Variants in SRPK2 observed in about 807,000 individuals in gnomAD.
SRPK2 encodes SFRS protein kinase 2.
In SRPK2, 21 loss-of-function variants were observed where a neutral mutation model predicts 90.8. That is an observed-to-expected ratio of 0.23 (90% CI 0.16 to 0.33). The LOEUF (loss-of-function observed/expected upper bound fraction) is 0.33, where lower values mean the gene tolerates loss of function less well. SRPK2 is among the 10% of genes least tolerant of loss of function. The pLI is 1.00. For synonymous variants in SRPK2, 288 were observed against 311.1 expected (o/e 0.93, Z 0.78); for missense variants, 620 against 869.0 (o/e 0.71, Z 3.60).
chr7:105,332,381 T>C (rs1244392697), intron 2 of SRPK2, among the ~76,000 whole-genome samples: 1 of 152,006 alleles, frequency 6.6e-6, no homozygotes, highest in Non-Finnish European at 1.5e-5. Flanking sequence ...ACCTTCTATT[T>C]CCAAAAAAAA....
intron 3 of SRPK2, among the ~76,000 whole-genome samples, chr7:105,175,561 C>T (rs1247098331): frequency 6.6e-6 from 1 of 151,838 alleles, no homozygotes; most frequent in Non-Finnish European, 1.5e-5. Context: ...TAAGAACAGT[C>T]GAGAAAATCA....
At chr7:105,147,976 T>C (rs954401887) in intron 7 of SRPK2, among the ~76,000 whole-genome samples, 1 of 152,236 alleles carries the variant, frequency 6.6e-6, no homozygotes, top group African/African-American at 2.4e-5. Context: ...CACTCGTGTA[T>C]ACATTTTTGT....
intron 3 of SRPK2, among the ~76,000 whole-genome samples, chr7:105,172,139 C>G (rs1791238954): frequency 6.6e-6 from 1 of 152,142 alleles, no homozygotes; most frequent in African/African-American, 2.4e-5. Flanking sequence ...GGTGATCCAC[C>G]CACCTTGGCC....
intron 2 of SRPK2, among the ~76,000 whole-genome samples, chr7:105,307,400 T>C (rs1027295457): frequency 1.3e-5 from 2 of 152,232 alleles, no homozygotes; most frequent in African/African-American, 2.4e-5. Context: ...AGTAAGTGTT[T>C]TGCTCTAGAA....
chr7:105,387,771 G>A (rs888540256), intron 2 of SRPK2, among the ~76,000 whole-genome samples: 1 of 152,174 alleles, frequency 6.6e-6, no homozygotes, highest in Admixed American at 6.5e-5. Flanking sequence ...TCGAACGCTG[G>A]TAAATCAAAA....
rs182251864 is a variant in SRPK2 at position 105,121,599 on chromosome 7, A to G, written c.1916-3577T>C. Reference sequence around the variant, plus strand: ...CAAGCAAACATGAGCCTGGCAGCCAATTGTGTGGTCCCCAAGAGCCCCTTA... The same window carrying G: ...CAAGCAAACATGAGCCTGGCAGCCAGTTGTGTGGTCCCCAAGAGCCCCTTA... On this transcript the variant is annotated intron_variant, in intron 15 of 15. Coordinates refer to ENST00000393651, the MANE Select transcript of SRPK2 (RefSeq NM_182692.3). Among the ~76,000 whole-genome samples the G allele has an allele frequency of 2.0e-5, 3 of 152,310 alleles. No homozygotes were observed. The East Asian group carries it at 5.8e-4, about 29-fold the overall frequency.
At chr7:105,147,883 T>TACAA (rs1181771360) in intron 7 of SRPK2, among the ~76,000 whole-genome samples, 1 of 152,236 alleles carries the variant, frequency 6.6e-6, no homozygotes, top group Non-Finnish European at 1.5e-5. Context: ...TGTATGGAGA[T>TACAA]ACAACATTGT....
intron 2 of SRPK2, among the ~76,000 whole-genome samples, chr7:105,328,590 C>A (rs1377275972): frequency 7.8e-6 from 1 of 128,188 alleles, no homozygotes; most frequent in Non-Finnish European, 1.7e-5. Context: ...AAAGGCCAGG[C>A]GCAGTGGCTC....
At chr7:105,134,993 A>G (rs746971164) in intron 11 of SRPK2, among the ~76,000 whole-genome samples, 74 of 152,142 alleles carry the variant, frequency 4.9e-4, no homozygotes, top group Admixed American at 2.6e-3. Flanking sequence ...CAGCACAAAG[A>G]CCAAAAAAGA....
intron 2 of SRPK2, among the ~76,000 whole-genome samples, chr7:105,370,743 G>GT (rs948336060): frequency 6.7e-6 from 1 of 150,160 alleles, no homozygotes; most frequent in Non-Finnish European, 1.5e-5. Context: ...ACCCTCCCAA[G>GT]TAGCTGGGAC....
intron 7 of SRPK2, 56 bp from the exon 8 acceptor site, chr7:105,146,714 TTTTA>T (rs1393079631): frequency 8.5e-6 from 13 of 1,529,136 alleles, no homozygotes; most frequent in Non-Finnish European, 1.1e-5. Context: ...ATTATATAAC[TTTTA>T]TTTATTTGAA....
intron 1 of SRPK2, among the ~76,000 whole-genome samples, chr7:105,395,178 C>G (rs957787094): frequency 3.3e-5 from 5 of 151,512 alleles, no homozygotes; most frequent in Admixed American, 6.6e-5. Context: ...ATCTCAAAAA[C>G]AAAACAAAAC....
At chr7:105,384,376 T>C (rs1030725883) in intron 2 of SRPK2, among the ~76,000 whole-genome samples, 1 of 152,206 alleles carries the variant, frequency 6.6e-6, no homozygotes, top group African/African-American at 2.4e-5. Context: ...CTTAATCTTA[T>C]TCCTGACAAC....
chr7:105,333,175 C>CA (rs1483333338), intron 2 of SRPK2, among the ~76,000 whole-genome samples: 4 of 152,152 alleles, frequency 2.6e-5, no homozygotes, highest in African/African-American at 9.7e-5. Flanking sequence ...GCCTGAGCGA[C>CA]AGAGTGAGAC....
intron 2 of SRPK2, among the ~76,000 whole-genome samples, chr7:105,276,109 T>G (rs1178626246): frequency 2.6e-5 from 4 of 151,398 alleles, no homozygotes; most frequent in Non-Finnish European, 5.9e-5. Context: ...AGGGACAGAG[T>G]CTTGCTCTGT....
At chr7:105,248,018 T>A (rs1801948575) in intron 2 of SRPK2, among the ~76,000 whole-genome samples, 1 of 152,016 alleles carries the variant, frequency 6.6e-6, no homozygotes, top group African/African-American at 2.4e-5. Flanking sequence ...CCACACCCGA[T>A]TAATTCTGTA....
intron 7 of SRPK2, among the ~76,000 whole-genome samples, chr7:105,157,368 T>C (rs1806660955): frequency 6.6e-6 from 1 of 152,184 alleles, no homozygotes. Flanking sequence ...TGGCTTGTTC[T>C]GGGAAATGAT....
chr7:105,184,202 C>T (rs745866472), intron 3 of SRPK2, among the ~76,000 whole-genome samples: 1 of 149,752 alleles, frequency 6.7e-6, no homozygotes, highest in Non-Finnish European at 1.5e-5. Flanking sequence ...TGGTCTCGAA[C>T]TCCTGACCTC....
At chr7:105,297,305 G>A (rs1289636814) in intron 2 of SRPK2, 1 of 236,608 alleles carries the variant, frequency 4.2e-6, no homozygotes, top group African/African-American at 2.3e-5. Flanking sequence ...TAAATACACT[G>A]AATGAAGTGA....
Sources: allele counts gnomAD v4.1 joint callset (sites outside exome capture counted in the v4.1 genomes callset), GRCh38; gene constraint gnomAD v4.1.1; transcripts MANE v1.5; gene names NCBI Gene and HGNC (gene_info 2026-07-23, HGNC 2026-07-21).